Variants in DRC11 observed in about 807,000 individuals in gnomAD.
DRC11 encodes the protein dynein regulatory complex subunit 11.
the DRC11 span, among the ~76,000 whole-genome samples, chr2:236,369,611 A>C: frequency 1.3e-5 from 2 of 152,226 alleles, no homozygotes; most frequent in Admixed American, 6.5e-5. This position sits in a 1 kb window ranked among gnomAD's most constrained non-coding sequence, Gnocchi z 4.5. Flanking sequence ...CAGATGCACC[A>C]TATTTTCTAG....
chr2:236,383,744 A>C, the DRC11 span, among the ~76,000 whole-genome samples: 1 of 151,632 alleles, frequency 6.6e-6, no homozygotes, highest in Admixed American at 6.6e-5. Context: ...TACATGTGCC[A>C]TGCTGGTGCG....
chr2:236,388,065 C>T, the DRC11 span, among the ~76,000 whole-genome samples: 2 of 152,108 alleles, frequency 1.3e-5, no homozygotes, highest in African/African-American at 4.8e-5. Context: ...TTGAGGGTAA[C>T]CCGACCTTTC....
chr2:236,447,676 T>C, the DRC11 span, among the ~76,000 whole-genome samples: 1 of 152,234 alleles, frequency 6.6e-6, no homozygotes, highest in African/African-American at 2.4e-5. This position sits in a 1 kb window ranked among gnomAD's most constrained non-coding sequence, Gnocchi z 4.6. Context: ...TTGCCTTTCT[T>C]GTTTCTCCTC....
chr2:236,490,919 T>C, the DRC11 span, among the ~76,000 whole-genome samples: 2 of 148,282 alleles, frequency 1.3e-5, no homozygotes, highest in African/African-American at 5.1e-5. This position sits in a 1 kb window ranked among gnomAD's most constrained non-coding sequence, Gnocchi z 5.5. Context: ...TGTGTGTGTA[T>C]ATATATGTGT....
chr2:236,448,491 A>G, the DRC11 span, among the ~76,000 whole-genome samples: 2 of 151,998 alleles, frequency 1.3e-5, no homozygotes, highest in Non-Finnish European at 2.9e-5. This position sits in a 1 kb window ranked among gnomAD's most constrained non-coding sequence, Gnocchi z 5.3. Context: ...GCACATCACC[A>G]TGCCTGGCTA....
At chr2:236,486,689 G>A in the DRC11 span, 1 of 647,934 alleles carries the variant, frequency 1.5e-6, no homozygotes, top group South Asian at 2.0e-5. The surrounding 1 kb of genome is among the most constrained non-coding windows in gnomAD (Gnocchi z 5.7). Context: ...GCAGGCTTCT[G>A]TACCATATGG....
At chr2:236,450,767 T>TA in the DRC11 span, among the ~76,000 whole-genome samples, 1 of 152,180 alleles carries the variant, frequency 6.6e-6, no homozygotes, top group African/African-American at 2.4e-5. Flanking sequence ...GGCTCTCCAC[T>TA]TTGTCTGATG....
chr2:236,494,009 T>TA, the DRC11 span: 2 of 805,248 alleles, frequency 2.5e-6, no homozygotes, highest in South Asian at 3.2e-5. The surrounding 1 kb of genome is among the most constrained non-coding windows in gnomAD (Gnocchi z 4.2). Flanking sequence ...CATTTTCATT[T>TA]AAGAAAAAAA....
the DRC11 span, among the ~76,000 whole-genome samples, chr2:236,456,238 C>T: frequency 6.6e-6 from 1 of 152,152 alleles, no homozygotes; most frequent in South Asian, 2.1e-4. This position sits in a 1 kb window ranked among gnomAD's most constrained non-coding sequence, Gnocchi z 5.4. Flanking sequence ...ATCTATATTA[C>T]TCTACCTATG....
At chr2:236,338,799 C>T in the DRC11 span, among the ~76,000 whole-genome samples, 3 of 152,220 alleles carry the variant, frequency 2.0e-5, no homozygotes, top group African/African-American at 4.8e-5. Flanking sequence ...CCAGCTCCTG[C>T]ATCTCATGTC....
the DRC11 span, among the ~76,000 whole-genome samples, chr2:236,491,031 GTATA>G: frequency 7.5e-6 from 1 of 133,652 alleles, no homozygotes; most frequent in Non-Finnish European, 1.6e-5. Context: ...ATATATGTGT[GTATA>G]TATATATACA....
chr2:236,357,966 A>G, the DRC11 span, among the ~76,000 whole-genome samples: 1 of 111,986 alleles, frequency 8.9e-6, no homozygotes, highest in East Asian at 2.5e-4. Context: ...TATATAATAT[A>G]TGAATATATA....
the DRC11 span, among the ~76,000 whole-genome samples, chr2:236,313,835 T>C: frequency 6.7e-6 from 1 of 150,352 alleles, no homozygotes; most frequent in African/African-American, 2.5e-5. The surrounding 1 kb of genome is among the most constrained non-coding windows in gnomAD (Gnocchi z 4.5). Flanking sequence ...TTTATTCCAT[T>C]TATAGAACAT....
chr2:236,334,861 A>G, the DRC11 span, among the ~76,000 whole-genome samples: 1 of 152,006 alleles, frequency 6.6e-6, no homozygotes, highest in South Asian at 2.1e-4. The surrounding 1 kb of genome is among the most constrained non-coding windows in gnomAD (Gnocchi z 7.8). Flanking sequence ...TTGGGTTATT[A>G]GCGAAATGCA....
the DRC11 span, among the ~76,000 whole-genome samples, chr2:236,459,608 C>T: frequency 1.8e-5 from 2 of 108,314 alleles, no homozygotes; most frequent in African/African-American, 3.5e-5. Flanking sequence ...TACATATATA[C>T]GTATATAAGT....
At chr2:236,329,954 T>C in the DRC11 span, among the ~76,000 whole-genome samples, 1 of 152,324 alleles carries the variant, frequency 6.6e-6, no homozygotes, top group Admixed American at 6.5e-5. Flanking sequence ...TAGAGATTAC[T>C]TCGGAAAGTT....
chr2:236,322,910 G>A, the DRC11 span, among the ~76,000 whole-genome samples: 1 of 152,160 alleles, frequency 6.6e-6, no homozygotes, highest in African/African-American at 2.4e-5. Context: ...ACTCCTACTG[G>A]CAGATCACAG....
the DRC11 span, among the ~76,000 whole-genome samples, chr2:236,393,870 C>A: frequency 1.3e-5 from 2 of 152,178 alleles, no homozygotes; most frequent in East Asian, 1.9e-4. This position sits in a 1 kb window ranked among gnomAD's most constrained non-coding sequence, Gnocchi z 4.7. Context: ...CCTGCCCTAC[C>A]ACCTACCAGC....
At chr2:236,420,951 T>C in the DRC11 span, among the ~76,000 whole-genome samples, 1 of 152,248 alleles carries the variant, frequency 6.6e-6, no homozygotes, top group African/African-American at 2.4e-5. The surrounding 1 kb of genome is among the most constrained non-coding windows in gnomAD (Gnocchi z 4.8). Context: ...CTGCTTTCTC[T>C]TGTGGGCATT....
Sources: gnomAD v4.1 joint callset for allele counts (sites outside exome capture counted in the v4.1 genomes callset) on GRCh38, gnomAD v4.1.1 for gene constraint, Gnocchi (gnomAD v3.1) non-coding constraint, MANE v1.5 for transcripts, NCBI Gene and HGNC (gene_info 2026-07-23, HGNC 2026-07-21) for gene names.